Variants in ABCF1 observed in about 807,000 individuals in gnomAD.
The protein encoded by ABCF1 is ATP binding cassette subfamily F member 1, also known as ATP-binding cassette sub-family F member 1.
Under a neutral mutation model 126.3 loss-of-function variants are expected in ABCF1, and 73 were observed. The observed-to-expected ratio is 0.58, with a 90% CI of 0.48 to 0.70. ABCF1 has a LOEUF of 0.70. Ranked by LOEUF, ABCF1 falls within the 30% of genes least tolerant of loss-of-function variation. The pLI is 0.00. For missense variants in ABCF1, 786 were observed against 1,057.5 expected (o/e 0.74, Z 3.56); for synonymous variants, 345 against 396.4 (o/e 0.87, Z 1.54).
rs745695064 is a variant in ABCF1 at position 30,578,112 on chromosome 6, A to C, written c.253A>C (p.Lys85Gln). ...GCGAGATACCCGAAAAGGCAGGCGG[A>C]AGAAGGATGTGGATGATGATGGAGA... ...KKRDTRKGRR[K>Q]KDVDDDGEEK... Residue 85 changes from lysine to glutamine, a missense_variant, in exon 4 of 25, where the codon AAG becomes CAG. This residue lies in a region of ABCF1 where 322 missense variants were observed against 322.9 expected (regional missense o/e 1.00). Transcript: ENST00000326195. 6.2e-7 allele frequency: 1 copy of C among 1,613,794 alleles called. No individual in the cohort carries two copies. The highest frequency in any genetic ancestry group is 8.5e-7 in the Non-Finnish European group (1 of 1,179,964).
chr6:30,571,652 A>G, intron 1 of ABCF1, 92 bp downstream of exon 1: 3 of 1,397,026 alleles, frequency 2.1e-6, no homozygotes, highest in Non-Finnish European at 3.0e-6. Flanking sequence ...CACGAGACTG[A>G]CCGGGCCCCT....
rs1801870523 is a variant in ABCF1, at chr6:30,582,409, G to A, written c.694G>A (p.Gly232Arg). 3.7e-6 allele frequency: 6 copies of A among 1,605,680 alleles called. No individual in the cohort carries two copies. Among genetic ancestry groups the A allele is most frequent in the African/African-American group, 1.3e-5 (1 of 74,714 alleles). ...KKAEQGSEEEGEGEEEEEEGG... is the reference protein window; with the variant it reads ...KKAEQGSEEEREGEEEEEEGG... ...GTTCTCACAGGGTTCAGAGGAAGAA[G>A]GAGAAGGGGAAGAAGAGGAGGAGGA... Residue 232 changes from glycine (G) to arginine (R), a missense_variant, in exon 9 of 25, where the codon GGA becomes AGA. Physicochemically the swap from Gly to Arg is moderately radical, Grantham distance 125. Around this residue, in one of 4 missense-constraint regions of ABCF1, gnomAD observed 322 missense variants for 322.9 expected, o/e 1.00. Coordinates refer to ENST00000326195, the MANE Select transcript of ABCF1 (RefSeq NM_001025091.2).
At position 30,585,102 on chromosome 6, in the gene ABCF1, C is replaced by T. The variant is rs538952981; in HGVS notation, c.1392-158C>T. 9.7e-4 allele frequency among the ~76,000 whole-genome samples: 148 copies of T among 152,274 alleles called. 1 individual carries two copies. Among genetic ancestry groups the T allele is most frequent in the Middle Eastern group, 3.4e-3 (1 of 294 alleles). ...CCTGGGCAACAGGGCGAGACCCTGT[C>T]TCAAAAAAATTAAACCGTATCCTGC... On this transcript the variant is annotated intron_variant, in intron 14 of 24. Transcript: ENST00000326195.
Position 30,586,445 on chromosome 6 carries a change from T to C in ABCF1, c.1886-29T>C. On this transcript the variant is annotated intron_variant, in intron 18 of 24. Transcript: ENST00000326195. This position sits in a 1 kb window ranked among gnomAD's most constrained non-coding sequence, Gnocchi z 4.9. Reference sequence around the variant, plus strand: ...GGGACTTTGCAGGGACTGAAAAGAATATAAATTGCTTCTTTTCGTGGCTTT... The same window carrying C: ...GGGACTTTGCAGGGACTGAAAAGAACATAAATTGCTTCTTTTCGTGGCTTT... 1 of 1,612,748 alleles carries C rather than the reference T, an allele frequency of 6.2e-7. No homozygotes were observed.
chr6:30,581,017 G>C (rs1801789447), intron 8 of ABCF1, among the ~76,000 whole-genome samples: 1 of 151,604 alleles, frequency 6.6e-6, no homozygotes. Context: ...AATGTTTTTG[G>C]CTTTGCAGGC....
chr6:30,585,739 A>C, intron 16 of ABCF1, 57 bp downstream of exon 16: 1 of 1,602,116 alleles, frequency 6.2e-7, no homozygotes, highest in Non-Finnish European at 8.5e-7. Flanking sequence ...AAGAGGCCTG[A>C]GTGGGAGGGC....
Position 30,584,358 on chromosome 6 carries a change from G to A in ABCF1, c.1242+27G>A. On this transcript the variant is annotated intron_variant, in intron 13 of 24. Transcript: ENST00000326195. This position sits in a 1 kb window ranked among gnomAD's most constrained non-coding sequence, Gnocchi z 4.6. The stretch of plus-strand genomic sequence containing the variant: ...TAGAGGAGATGGCGCAGGGGACACG[G>A]GCAAAGACTTGGGGGTTCCTGGGAC... The A allele has an allele frequency of 6.2e-7, 1 of 1,613,094 alleles. No homozygotes were observed. The highest frequency in any genetic ancestry group is 8.5e-7 in the Non-Finnish European group (1 of 1,180,000).
intron 8 of ABCF1, among the ~76,000 whole-genome samples, chr6:30,581,398 C>CTTTTTTTTTTTTTTTTTTTTTTTTTTTT (rs71552010): frequency 1.2e-5 from 1 of 84,868 alleles, no homozygotes; most frequent in Non-Finnish European, 2.2e-5. Flanking sequence ...GCTTCCTGAT[C>CTTTTTTTTTTTTTTTTTTTTTTTTTTTT]TTTTTTTTTT....
chr6:30,587,946 A>G (rs1027013441), intron 20 of ABCF1, among the ~76,000 whole-genome samples: 1 of 151,120 alleles, frequency 6.6e-6, no homozygotes, highest in Non-Finnish European at 1.5e-5. Context: ...ACTGTCGCCC[A>G]GCCTGGAGTG....
At position 30,581,150 on chromosome 6, in the gene ABCF1, G is replaced by A. The variant is rs115487381; in HGVS notation, c.678+631G>A. On this transcript the variant is annotated intron_variant, in intron 8 of 24. Coordinates refer to ENST00000326195, the MANE Select transcript of ABCF1 (RefSeq NM_001025091.2). ...ATGTCAGGTCAGCCTTGGCCCATGG[G>A]CTGTAGTTTGCAACACCTAATCCAG... Among the ~76,000 whole-genome samples the A allele has an allele frequency of 3.6e-3, 552 of 152,124 alleles. 4 individuals carry two copies. Among genetic ancestry groups the A allele is most frequent in the Non-Finnish European group, 4.0e-3 (272 of 68,010 alleles).
intron 6 of ABCF1, 124 bp from the exon 7 acceptor site, chr6:30,579,807 C>G: frequency 1.2e-6 from 1 of 864,918 alleles, no homozygotes; most frequent in Non-Finnish European, 1.7e-6. Flanking sequence ...GGGATGCAAC[C>G]TGTCGTAAAT....
In ABCF1 at chr6:30,585,554, C is replaced by T; in HGVS notation, c.1476-4C>T. 3.7e-6 allele frequency: 6 copies of T among 1,612,946 alleles called. No individual in the cohort carries two copies. The highest frequency in any genetic ancestry group is 5.1e-6 in the Non-Finnish European group (6 of 1,180,004). ...ACACTTACACCCTGTTCTCTGAAAC[C>T]CAGCTACCTCCAGGGCTGGCGGAAG... is the stretch of plus-strand genomic sequence containing the variant. On this transcript the variant is annotated splice_region_variant and splice_polypyrimidine_tract_variant and intron_variant, in intron 15 of 24. Coordinates refer to ENST00000326195, the MANE Select transcript of ABCF1 (RefSeq NM_001025091.2).
At chr6:30,582,350 C>G in intron 8 of ABCF1, 44 bp from the exon 9 acceptor site, 1 of 1,341,302 alleles carries the variant, frequency 7.5e-7, no homozygotes, top group Non-Finnish European at 1.1e-6. Context: ...GCCACCGCGC[C>G]CAGCCAGGAG....
In ABCF1 at chr6:30,590,300, A is replaced by T. The variant is rs751905927; in HGVS notation, c.2299-6A>T. Reference sequence around the variant, plus strand: ...AGTGCTCAGTCATGGAATTCCTCCTATGTAGGACGAGCCAACCAATAACCT... The same window carrying T: ...AGTGCTCAGTCATGGAATTCCTCCTTTGTAGGACGAGCCAACCAATAACCT... On this transcript the variant is annotated splice_polypyrimidine_tract_variant and splice_region_variant and intron_variant, in intron 23 of 24. Transcript: ENST00000326195. 7.4e-6 allele frequency: 12 copies of T among 1,612,018 alleles called. No homozygotes were observed. The highest frequency in any genetic ancestry group is 9.3e-6 in the Non-Finnish European group (11 of 1,179,274).
chr6:30,590,218 G>A lies in ABCF1; in HGVS notation c.2298+5G>A. 1 of 1,613,108 alleles carries A rather than the reference G, an allele frequency of 6.2e-7. No homozygotes were observed. The highest frequency in any genetic ancestry group is 8.5e-7 in the Non-Finnish European group (1 of 1,180,032). Reference sequence around the variant, plus strand: ...GAACCTGATGTCCTCATCTTGGTGAGTGAGCTGGGCTGTGGGAAAAGGGAT... The same window carrying A: ...GAACCTGATGTCCTCATCTTGGTGAATGAGCTGGGCTGTGGGAAAAGGGAT... On this transcript the variant is annotated splice_donor_5th_base_variant and intron_variant, in intron 23 of 24. Coordinates refer to ENST00000326195, the MANE Select transcript of ABCF1 (RefSeq NM_001025091.2).
rs754815625 is a variant in ABCF1, at chr6:30,584,537, G to C, written c.1362G>C (p.Gly454=). 1 of 1,609,868 alleles carries C rather than the reference G, an allele frequency of 6.2e-7. No homozygotes were observed. Among genetic ancestry groups the C allele is most frequent in the Non-Finnish European group, 8.5e-7 (1 of 1,178,138 alleles). ...MQNRPTQKFS[G]GWRMRVSLAR... ...ATCGACCCACACAGAAGTTCTCAGG[G>C]GGCTGGCGCATGCGTGTCTCCCTGG... The change falls in exon 14 of 25, where the codon GGG becomes GGC. Residue 454 remains glycine (G), a synonymous_variant. Coordinates refer to ENST00000326195, the MANE Select transcript of ABCF1 (RefSeq NM_001025091.2). This position sits in a 1 kb window ranked among gnomAD's most constrained non-coding sequence, Gnocchi z 4.6.
chr6:30,586,631 C>T lies in ABCF1; in HGVS notation c.1961-10C>T. On this transcript the variant is annotated splice_polypyrimidine_tract_variant and intron_variant, in intron 19 of 24. Coordinates refer to ENST00000326195, the MANE Select transcript of ABCF1 (RefSeq NM_001025091.2). The surrounding 1 kb of genome is among the most constrained non-coding windows in gnomAD (Gnocchi z 4.9). The stretch of plus-strand genomic sequence containing the variant: ...GGGACCTCTTTGACCACCTGTCTTC[C>T]ATCTTGCAGTTTGCATTGTGGGCCC... 6.2e-7 allele frequency: 1 copy of T among 1,613,532 alleles called. No homozygotes were observed. Among genetic ancestry groups the T allele is most frequent in the Non-Finnish European group, 8.5e-7 (1 of 1,180,008 alleles).
chr6:30,582,869 T>C (rs2127411922), intron 9 of ABCF1, among the ~76,000 whole-genome samples, 197 bp from the exon 10 acceptor site: 1 of 152,234 alleles, frequency 6.6e-6, no homozygotes, highest in South Asian at 2.1e-4. Context: ...ATTTTTGTAT[T>C]TTTTGTAGAG....
chr6:30,590,739 T>C lies in ABCF1; in HGVS notation c.*38T>C. 1 of 1,575,232 alleles carries C rather than the reference T, an allele frequency of 6.3e-7. No homozygotes were observed. Among genetic ancestry groups the C allele is most frequent in the Non-Finnish European group, 8.6e-7 (1 of 1,161,322 alleles). On this transcript the variant is annotated 3_prime_UTR_variant, in exon 25 of 25. Coordinates refer to ENST00000326195, the MANE Select transcript of ABCF1 (RefSeq NM_001025091.2). Reference sequence around the variant, plus strand: ...AGAAGTCTCCCGAGAGACATATTTGTGTGGCCTAGAAGTCCTCTGTGGTCT... The same window carrying C: ...AGAAGTCTCCCGAGAGACATATTTGCGTGGCCTAGAAGTCCTCTGTGGTCT...
Sources: allele counts gnomAD v4.1 joint callset (sites outside exome capture counted in the v4.1 genomes callset), GRCh38; gene constraint gnomAD v4.1.1; regional missense constraint gnomAD v4.1.1; non-coding constraint Gnocchi (gnomAD v3.1); transcripts MANE v1.5; gene names NCBI Gene and HGNC (gene_info 2026-07-23, HGNC 2026-07-21).